LINGO2: variants seen among roughly 807,000 people sequenced by gnomAD.
LINGO2 encodes leucine-rich repeat and immunoglobulin-like domain-containing nogo receptor-interacting protein 2.
In LINGO2, 14 loss-of-function variants were observed where a neutral mutation model predicts 30.6. That is an observed-to-expected ratio of 0.46 (90% CI 0.30 to 0.72). The LOEUF (loss-of-function observed/expected upper bound fraction) is 0.72. LINGO2 is among the 30% of genes least tolerant of loss of function. LINGO2 has a pLI of 0.07. For synonymous variants in LINGO2, 317 were observed against 288.5 expected (o/e 1.10, Z -1.00); for missense variants, 729 against 751.7 (o/e 0.97, Z 0.35).
At chr9:28,274,140 A>G (rs1221431905) in intron 4 of LINGO2, among the ~76,000 whole-genome samples, 1 of 152,198 alleles carries the variant, frequency 6.6e-6, no homozygotes, top group Non-Finnish European at 1.5e-5. Context: ...AATAATTGCT[A>G]CTGTATTACC....
intron 1 of LINGO2, among the ~76,000 whole-genome samples, chr9:28,655,668 C>T (rs1828304370): frequency 6.6e-6 from 1 of 151,980 alleles, no homozygotes; most frequent in African/African-American, 2.4e-5. Flanking sequence ...TTCCTCCATC[C>T]TGTTCTCGTG....
chr9:28,176,940 T>C (rs771032516), intron 4 of LINGO2, among the ~76,000 whole-genome samples: 1 of 152,190 alleles, frequency 6.6e-6, no homozygotes, highest in Non-Finnish European at 1.5e-5. Context: ...ACTTAAGGTA[T>C]GGCTTTGATG....
the LINGO2 span, among the ~76,000 whole-genome samples, chr9:29,010,016 T>C: frequency 2.6e-5 from 4 of 152,120 alleles, no homozygotes; most frequent in Non-Finnish European, 4.4e-5. Context: ...TTACACCATA[T>C]ACAAAAATCA....
the LINGO2 span, among the ~76,000 whole-genome samples, chr9:28,924,632 T>C: frequency 2.0e-5 from 3 of 152,210 alleles, no homozygotes; most frequent in Admixed American, 6.5e-5. Context: ...GTCCCAACTA[T>C]AGATGTTTGG....
the LINGO2 span, among the ~76,000 whole-genome samples, chr9:28,885,240 C>T: frequency 8.0e-4 from 118 of 147,342 alleles, no homozygotes; most frequent in African/African-American, 2.6e-3. Flanking sequence ...CCTGTCAGTC[C>T]GGGTGAGGTT....
intron 2 of LINGO2, among the ~76,000 whole-genome samples, chr9:28,385,522 T>C (rs568289938): frequency 7.9e-4 from 121 of 152,284 alleles, no homozygotes; most frequent in African/African-American, 2.8e-3. Flanking sequence ...ATAATCCTAT[T>C]TTCTTCTTTC....
chr9:29,139,560 G>A, the LINGO2 span, among the ~76,000 whole-genome samples: 1 of 152,100 alleles, frequency 6.6e-6, no homozygotes, highest in African/African-American at 2.4e-5. Context: ...GTTACCCAAT[G>A]AAGACACCAA....
intron 3 of LINGO2, among the ~76,000 whole-genome samples, chr9:28,327,851 C>G (rs969829221): frequency 6.6e-6 from 1 of 151,494 alleles, no homozygotes; most frequent in South Asian, 2.1e-4. Context: ...TATCATTAAA[C>G]GTCTAGTGTA....
At chr9:27,976,364 A>G (rs1231741336) in intron 5 of LINGO2, among the ~76,000 whole-genome samples, 1 of 151,788 alleles carries the variant, frequency 6.6e-6, no homozygotes, top group Non-Finnish European at 1.5e-5. Flanking sequence ...TATCTGATGA[A>G]CTCCTGTGTT....
At chr9:28,562,267 G>A (rs904419161) in intron 1 of LINGO2, among the ~76,000 whole-genome samples, 9 of 151,918 alleles carry the variant, frequency 5.9e-5, no homozygotes, top group Admixed American at 5.2e-4. Flanking sequence ...ATGATTATTA[G>A]AGATTAGAAA....
intron 1 of LINGO2, among the ~76,000 whole-genome samples, chr9:28,640,356 G>T (rs1037061041): frequency 6.6e-6 from 1 of 151,960 alleles, no homozygotes; most frequent in African/African-American, 2.4e-5. Flanking sequence ...TCCTTAAGTT[G>T]AATGTTGGCC....
At chr9:28,510,216 G>A (rs1587780432) in intron 1 of LINGO2, among the ~76,000 whole-genome samples, 1 of 152,052 alleles carries the variant, frequency 6.6e-6, no homozygotes, top group Non-Finnish European at 1.5e-5. Flanking sequence ...AAGGCTTAGG[G>A]GTACCAACTC....
At chr9:28,139,117 T>G (rs1281103772) in intron 4 of LINGO2, among the ~76,000 whole-genome samples, 1 of 152,208 alleles carries the variant, frequency 6.6e-6, no homozygotes, top group Non-Finnish European at 1.5e-5. Flanking sequence ...TGCATCATTA[T>G]CTGCCAGTGA....
chr9:28,608,854 C>T (rs1173727975), intron 1 of LINGO2, among the ~76,000 whole-genome samples: 2 of 151,858 alleles, frequency 1.3e-5, no homozygotes, highest in Non-Finnish European at 2.9e-5. Flanking sequence ...GGTTACTTAG[C>T]ATATTCATTT....
At chr9:28,852,860 C>T in the LINGO2 span, among the ~76,000 whole-genome samples, 1 of 152,158 alleles carries the variant, frequency 6.6e-6, no homozygotes, top group African/African-American at 2.4e-5. Flanking sequence ...CTCAGCCTAA[C>T]AAGTAAAATT....
At chr9:28,549,951 T>C (rs968191454) in intron 1 of LINGO2, among the ~76,000 whole-genome samples, 3 of 152,046 alleles carry the variant, frequency 2.0e-5, no homozygotes, top group South Asian at 2.1e-4. Flanking sequence ...AATTTTTAGA[T>C]GTATTTTAAT....
At position 28,129,898 on chromosome 9, in the gene LINGO2, G is replaced by A. The variant is rs545325915; in HGVS notation, c.-86-117493C>T. ...GAAAAAATATGTTGTTCTTTTTATA[G>A]AATGAGAAATAACTAAGATCCGTGT... On this transcript the variant is annotated intron_variant, in intron 4 of 5. Coordinates refer to ENST00000379992, the Ensembl canonical transcript of LINGO2. This position sits in a 1 kb window ranked among gnomAD's most constrained non-coding sequence, Gnocchi z 4.0. Among the ~76,000 whole-genome samples the A allele has an allele frequency of 6.6e-6, 1 of 152,276 alleles. No homozygotes were observed. The highest frequency in any genetic ancestry group is 2.1e-4 in the South Asian group (1 of 4,826).
the LINGO2 span, among the ~76,000 whole-genome samples, chr9:28,973,952 G>A: frequency 6.6e-6 from 1 of 152,150 alleles, no homozygotes; most frequent in Non-Finnish European, 1.5e-5. Flanking sequence ...TTACCTGAGG[G>A]TATAAAACTC....
intron 4 of LINGO2, among the ~76,000 whole-genome samples, chr9:28,071,976 T>C (rs563988472): frequency 5.9e-5 from 9 of 152,290 alleles, no homozygotes; most frequent in African/African-American, 1.9e-4. Flanking sequence ...CTTTAGACAA[T>C]GTACATATGA....
Sources: gnomAD v4.1 joint callset for allele counts (sites outside exome capture counted in the v4.1 genomes callset) on GRCh38, gnomAD v4.1.1 for gene constraint, Gnocchi (gnomAD v3.1) non-coding constraint, MANE v1.5 for transcripts, NCBI Gene and HGNC (gene_info 2026-07-23, HGNC 2026-07-21) for gene names.